The following CACNG7 variants were observed in gnomAD, a reference collection of about 807,000 sequenced individuals.
CACNG7 encodes the protein voltage-dependent calcium channel gamma-7 subunit.
Under a neutral mutation model 26.3 loss-of-function variants are expected in CACNG7, and 9 were observed. That is an observed-to-expected ratio of 0.34 (90% CI 0.21 to 0.60). The LOEUF (loss-of-function observed/expected upper bound fraction) is 0.60, where lower values mean the gene tolerates loss of function less well. Ranked by LOEUF, CACNG7 falls within the 20% of genes least tolerant of loss-of-function variation. CACNG7 has a pLI of 0.81. For missense variants in CACNG7, 297 were observed against 380.4 expected (o/e 0.78, Z 1.82); for synonymous variants, 170 against 157.0 (o/e 1.08, Z -0.62).
intron 4 of CACNG7, among the ~76,000 whole-genome samples, chr19:53,931,623 G>A (rs1031400706): frequency 4.1e-5 from 6 of 146,882 alleles, no homozygotes; most frequent in African/African-American, 1.5e-4. Flanking sequence ...AGGAGGTGGA[G>A]GTTGCAGTGA....
intron 4 of CACNG7, among the ~76,000 whole-genome samples, chr19:53,920,412 T>C (rs2068934171): frequency 2.5e-5 from 2 of 80,104 alleles, no homozygotes; most frequent in African/African-American, 7.5e-5. Flanking sequence ...TTGCCCCAGG[T>C]CTGGTCATTG....
chr19:53,911,311 C>A (rs2068860867), intron 1 of CACNG7, among the ~76,000 whole-genome samples: 1 of 152,094 alleles, frequency 6.6e-6, no homozygotes, highest in African/African-American at 2.4e-5. Context: ...AGTGATCCAC[C>A]CACCTCAGCC....
chr19:53,912,884 C>T lies in CACNG7; in HGVS notation c.53C>T (p.Ala18Val). 1.9e-6 allele frequency: 3 copies of T among 1,613,948 alleles called. No individual in the cohort carries two copies. Among genetic ancestry groups the T allele is most frequent in the Non-Finnish European group, 1.7e-6 (2 of 1,180,038 alleles). Reference sequence around the variant, plus strand: ...ACCCTGCTGAGCAGCGTGTTTGGTGCGTGTGGCCTGCTCCTGGTAGGCATC... The same window carrying T: ...ACCCTGCTGAGCAGCGTGTTTGGTGTGTGTGGCCTGCTCCTGGTAGGCATC... ...ALTLLSSVFG[A>V]CGLLLVGIAV... The change falls in exon 2 of 6, where the codon GCG (alanine) becomes GTG (valine). Residue 18 changes from alanine (A) to valine (V), a missense_variant. Ala to Val is a moderately conservative substitution (Grantham distance 64, BLOSUM62 0). Coordinates refer to ENST00000391767, the MANE Select transcript of CACNG7 (RefSeq NM_031896.5). This position sits in a 1 kb window ranked among gnomAD's most constrained non-coding sequence, Gnocchi z 4.6.
At chr19:53,911,032 A>T (rs966689361) in intron 1 of CACNG7, among the ~76,000 whole-genome samples, 1 of 136,612 alleles carries the variant, frequency 7.3e-6, no homozygotes, top group East Asian at 2.1e-4. Flanking sequence ...TCTGATGAGG[A>T]TGCTGGATTG....
chr19:53,931,907 G>A (rs1170047674), intron 4 of CACNG7, among the ~76,000 whole-genome samples: 7 of 149,950 alleles, frequency 4.7e-5, no homozygotes, highest in Admixed American at 6.7e-5. Flanking sequence ...GACTACAGGC[G>A]GCCACCACCA....
intron 1 of CACNG7, among the ~76,000 whole-genome samples, chr19:53,910,328 C>A (rs921179066): frequency 6.7e-6 from 1 of 148,652 alleles, no homozygotes; most frequent in Non-Finnish European, 1.5e-5. Flanking sequence ...CCAGAGCGTT[C>A]CCTGACTCCG....
rs1325588841 is a variant in CACNG7 at position 53,922,317 on chromosome 19, TCTGGTCATTGGTGGAGTTGTCCCCAGGC to T, written c.424+6892_424+6919del. Among the ~76,000 whole-genome samples the T allele has an allele frequency of 8.3e-3, 566 of 67,820 alleles. 28 individuals are homozygous for T. The highest frequency in any genetic ancestry group is 0.02 in the African/African-American group (214 of 10,800). 44.5% of individuals were successfully genotyped at this position (67,820 alleles called of 152,430 possible). Reference sequence around the variant, plus strand: ...TGGTATTGGTGGAGTTGTCCCCAGGTCTGGTCATTGGTGGAGTTGTCCCCAGGCCTGGTCATTGGTGGAGTTGTCCCCA... The same window carrying T: ...TGGTATTGGTGGAGTTGTCCCCAGGTCTGGTCATTGGTGGAGTTGTCCCCA... On this transcript the variant is annotated intron_variant, in intron 4 of 5. Coordinates refer to ENST00000391767, the MANE Select transcript of CACNG7 (RefSeq NM_031896.5).
chr19:53,919,832 C>A (rs1468700202), intron 4 of CACNG7, among the ~76,000 whole-genome samples: 1 of 133,576 alleles, frequency 7.5e-6, no homozygotes, highest in African/African-American at 2.9e-5. Context: ...CAGGTCTGGT[C>A]ATTGGTGGAG....
chr19:53,936,912 CTTAA>C (rs1383268678), intron 4 of CACNG7, among the ~76,000 whole-genome samples: 7 of 149,634 alleles, frequency 4.7e-5, no homozygotes, highest in Admixed American at 2.7e-4. Flanking sequence ...CCCAGCCTAA[CTTAA>C]TTGAGTTTTT....
Position 53,941,632 on chromosome 19 carries a change from C to T in CACNG7, c.570+17C>T. 6.2e-7 allele frequency: 1 copy of T among 1,607,658 alleles called. No homozygotes were observed. The highest frequency in any genetic ancestry group is 1.1e-5 in the South Asian group (1 of 90,126). Reference sequence around the variant, plus strand: ...CTCAAAGAGGTGACGTCCGTGGGACCTAGACTCTAGAGTTCTGAATGGAGA... The same window carrying T: ...CTCAAAGAGGTGACGTCCGTGGGACTTAGACTCTAGAGTTCTGAATGGAGA... On this transcript the variant is annotated intron_variant, in intron 5 of 5. Transcript: ENST00000391767.
intron 4 of CACNG7, among the ~76,000 whole-genome samples, chr19:53,926,379 G>A (rs1034533876): frequency 2.6e-5 from 4 of 151,584 alleles, no homozygotes; most frequent in East Asian, 3.9e-4. Context: ...TCAGGACTTC[G>A]TACACTCATT....
At chr19:53,915,018 AAAT>A (rs1406385574) in intron 3 of CACNG7, among the ~76,000 whole-genome samples, 16 of 96,264 alleles carry the variant, frequency 1.7e-4, no homozygotes, top group Admixed American at 2.0e-4. Context: ...AAAAAAAAAT[AAAT>A]AAAAGGAAGG....
At chr19:53,926,300 C>T (rs145147210) in intron 4 of CACNG7, among the ~76,000 whole-genome samples, 123 of 152,202 alleles carry the variant, frequency 8.1e-4, no homozygotes, top group African/African-American at 2.8e-3. Context: ...TAGCACTCTC[C>T]GCATTGCTTG....
Position 53,932,458 on chromosome 19 carries a change from G to GT in CACNG7, c.425-9011dup, listed in dbSNP as rs1207577872. On this transcript the variant is annotated intron_variant, in intron 4 of 5. Coordinates refer to ENST00000391767, the MANE Select transcript of CACNG7 (RefSeq NM_031896.5). The stretch of plus-strand genomic sequence containing the variant: ...CATCATTTGATTCACAGATATTTCA[G>GT]TATATCTCTGAGTTATAAGTAGTCT... Among the ~76,000 whole-genome samples the GT allele has an allele frequency of 2.5e-4, 38 of 149,726 alleles. 2 individuals carry two copies. The highest frequency in any genetic ancestry group is 5.9e-4 in the Admixed American group (9 of 15,186).
Position 53,943,015 on chromosome 19 carries a change from C to T in CACNG7, c.*722C>T, listed in dbSNP as rs918413356. Reference sequence around the variant, plus strand: ...AGGGGGCTCTTGTCTAAAGGATCTTCTTGCTTTCTCAGCTATCCTTGGCTT... The same window carrying T: ...AGGGGGCTCTTGTCTAAAGGATCTTTTTGCTTTCTCAGCTATCCTTGGCTT... On this transcript the variant is annotated 3_prime_UTR_variant, in exon 6 of 6. Transcript: ENST00000391767. 1 of 152,720 alleles carries T rather than the reference C, an allele frequency of 6.5e-6. No individual in the cohort carries two copies. Among genetic ancestry groups the T allele is most frequent in the African/African-American group, 2.4e-5 (1 of 41,486 alleles). 9.5% of individuals were successfully genotyped at this position (152,720 alleles called of 1,614,324 possible).
chr19:53,932,359 G>A (rs2069078878), intron 4 of CACNG7, among the ~76,000 whole-genome samples: 1 of 151,686 alleles, frequency 6.6e-6, no homozygotes, highest in South Asian at 2.1e-4. Context: ...ACCAACATAT[G>A]GCAAATCTGT....
At chr19:53,929,612 A>G in intron 4 of CACNG7, among the ~76,000 whole-genome samples, 1 of 152,034 alleles carries the variant, frequency 6.6e-6, no homozygotes, top group Non-Finnish European at 1.5e-5. Context: ...GCCCGCCACC[A>G]TGCCTGGCTA....
Position 53,942,545 on chromosome 19 carries a change from G to A in CACNG7, c.*252G>A. On this transcript the variant is annotated 3_prime_UTR_variant, in exon 6 of 6. Transcript: ENST00000391767. This position sits in a 1 kb window ranked among gnomAD's most constrained non-coding sequence, Gnocchi z 5.9. The stretch of plus-strand genomic sequence containing the variant: ...TCCCAAATGACTCCTCCCCTTCGTT[G>A]GCCCGCCCCTTTCCTCTGGCCCCTC... 1 of 1,383,236 alleles carries A rather than the reference G, an allele frequency of 7.2e-7. No homozygotes were observed. Among genetic ancestry groups the A allele is most frequent in the Non-Finnish European group, 9.3e-7 (1 of 1,072,302 alleles). 85.7% of individuals were successfully genotyped at this position (1,383,236 alleles called of 1,614,324 possible).
intron 4 of CACNG7, among the ~76,000 whole-genome samples, chr19:53,921,568 T>G (rs1426588869): frequency 7.7e-6 from 1 of 130,284 alleles, no homozygotes; most frequent in African/African-American, 3.5e-5. Context: ...GGCTGGTCAT[T>G]GGTGGAGTTG....
Sources: allele counts gnomAD v4.1 joint callset (sites outside exome capture counted in the v4.1 genomes callset), GRCh38; gene constraint gnomAD v4.1.1; non-coding constraint Gnocchi (gnomAD v3.1); transcripts MANE v1.5; gene names NCBI Gene and HGNC (gene_info 2026-07-23, HGNC 2026-07-21).